Variants in GPC5 observed in about 807,000 individuals in gnomAD.
The protein encoded by GPC5 is glypican-5.
In GPC5, 47 loss-of-function variants were observed where a neutral mutation model predicts 53.9. The observed-to-expected ratio is 0.87, with a 90% CI of 0.69 to 1.11. GPC5 has a LOEUF of 1.11. Ranked by LOEUF, GPC5 falls within the 50% of genes most tolerant of loss-of-function variation. The pLI is 0.00. For synonymous variants in GPC5, 286 were observed against 263.3 expected, an observed-to-expected ratio of 1.09 and a Z score of -0.84; for missense variants, 748 against 713.1, an observed-to-expected ratio of 1.05 and a Z score of -0.56.
chr13:91,868,547 A>G lies in GPC5; in HGVS notation c.1281-39390A>G, dbSNP rs537108667. 7.9e-5 allele frequency among the ~76,000 whole-genome samples: 12 copies of G among 152,134 alleles called. No homozygotes were observed. In the South Asian group the frequency reaches 2.5e-3, roughly 32 times the overall value. On this transcript the variant is annotated intron_variant, in intron 5 of 7. Transcript: ENST00000377067. ...TAGCAAAAAACCCTGTCCACAAACT[A>G]TTAAAAAATTAGCTGGGTCTGGTGG...
chr13:91,495,959 G>A (rs1884233100), intron 2 of GPC5, among the ~76,000 whole-genome samples: 1 of 152,066 alleles, frequency 6.6e-6, no homozygotes, highest in African/African-American at 2.4e-5. Context: ...GGAGGCAGAG[G>A]TTGCAGTGAG....
intron 7 of GPC5, among the ~76,000 whole-genome samples, chr13:92,592,339 A>G (rs1883739642): frequency 6.6e-6 from 1 of 151,878 alleles, no homozygotes; most frequent in South Asian, 2.1e-4. Flanking sequence ...TGTATAGTGT[A>G]TGTGTCTAAG....
rs890404979 is a variant in GPC5 at position 91,428,733 on chromosome 13, A to AT, written c.164-20017dup. Among the ~76,000 whole-genome samples, 1,269 of 148,210 alleles carry AT rather than the reference A, an allele frequency of 8.6e-3. 17 individuals are homozygous for AT. Among genetic ancestry groups the AT allele is most frequent in the African/African-American group, 0.026 (1,045 of 40,550 alleles). On this transcript the variant is annotated intron_variant, in intron 1 of 7. Coordinates refer to ENST00000377067, the MANE Select transcript of GPC5 (RefSeq NM_004466.6). ...TCGAAATTCAAGAAATTTGAAAGGA[A>AT]TTTTTTTTTTTGTTAATGTGAAGTT...
intron 1 of GPC5, among the ~76,000 whole-genome samples, chr13:91,419,537 T>A (rs1386447166): frequency 6.6e-6 from 1 of 152,122 alleles, no homozygotes; most frequent in Non-Finnish European, 1.5e-5. Flanking sequence ...CAAGAAAATT[T>A]TCATGGATTT....
chr13:92,190,031 T>G (rs562287178), intron 7 of GPC5, among the ~76,000 whole-genome samples: 1 of 152,216 alleles, frequency 6.6e-6, no homozygotes, highest in Non-Finnish European at 1.5e-5. Flanking sequence ...AACAACTGCT[T>G]AAAAAACTAC....
At chr13:92,247,224 A>G (rs1370159513) in intron 7 of GPC5, among the ~76,000 whole-genome samples, 1 of 152,192 alleles carries the variant, frequency 6.6e-6, no homozygotes, top group Non-Finnish European at 1.5e-5. Flanking sequence ...TCAGCTTACA[A>G]AACACTTGCA....
At chr13:92,068,961 G>C (rs2041188627) in intron 6 of GPC5, among the ~76,000 whole-genome samples, 1 of 151,678 alleles carries the variant, frequency 6.6e-6, no homozygotes, top group Non-Finnish European at 1.5e-5. Context: ...TTAATCTAAG[G>C]TCATGAAGAT....
intron 7 of GPC5, among the ~76,000 whole-genome samples, chr13:92,706,719 A>C (rs1887963710): frequency 6.6e-6 from 1 of 152,172 alleles, no homozygotes; most frequent in Non-Finnish European, 1.5e-5. Flanking sequence ...TAACTAACTT[A>C]TCAAGACAAA....
intron 6 of GPC5, among the ~76,000 whole-genome samples, chr13:91,968,934 A>G (rs1285820834): frequency 1.3e-5 from 2 of 148,614 alleles, no homozygotes; most frequent in African/African-American, 5.0e-5. Flanking sequence ...TTTTCCCTTT[A>G]TCTTTCTTCT....
intron 7 of GPC5, among the ~76,000 whole-genome samples, chr13:92,413,631 G>A (rs1876146293): frequency 1.3e-5 from 2 of 152,138 alleles, no homozygotes; most frequent in South Asian, 2.1e-4. Flanking sequence ...AGGATCAAGG[G>A]TAGTGAAAAC....
intron 1 of GPC5, among the ~76,000 whole-genome samples, chr13:91,415,447 A>G (rs1399100433): frequency 6.6e-6 from 1 of 152,092 alleles, no homozygotes; most frequent in Non-Finnish European, 1.5e-5. Context: ...CACAACTCCC[A>G]ACAACTTTCC....
chr13:92,777,022 CA>C (rs1243297680), intron 7 of GPC5, among the ~76,000 whole-genome samples: 2,730 of 26,560 alleles, frequency 0.1, 14 homozygotes, highest in African/African-American at 0.11. Context: ...GACCCTGCCT[CA>C]AAAAAAAAAA....
chr13:91,692,294 C>A (rs1287010392), intron 2 of GPC5, among the ~76,000 whole-genome samples: 1 of 152,066 alleles, frequency 6.6e-6, no homozygotes, highest in Non-Finnish European at 1.5e-5. Flanking sequence ...CAGTGCTTAA[C>A]AAAATGTGAT....
Position 91,398,628 on chromosome 13 carries a change from G to T in GPC5, c.-419G>T. The T allele has an allele frequency of 5.3e-6, 1 of 187,846 alleles. No homozygotes were observed. The highest frequency in any genetic ancestry group is 1.1e-5 in the Non-Finnish European group (1 of 94,108). 11.6% of individuals were successfully genotyped at this position (187,846 alleles called of 1,614,324 possible). Reference sequence around the variant, plus strand: ...AGCGCAGCGAGCGGGCACATCCCAGGTTAGCTGCTGCGAGCCGAGCCGGGC... The same window carrying T: ...AGCGCAGCGAGCGGGCACATCCCAGTTTAGCTGCTGCGAGCCGAGCCGGGC... On this transcript the variant is annotated 5_prime_UTR_variant, in exon 1 of 8. Coordinates refer to ENST00000377067, the MANE Select transcript of GPC5 (RefSeq NM_004466.6).
chr13:92,089,982 C>G (rs1421650841), intron 6 of GPC5, among the ~76,000 whole-genome samples: 2 of 152,128 alleles, frequency 1.3e-5, no homozygotes, highest in Non-Finnish European at 2.9e-5. Context: ...ATTCAATAAA[C>G]AGTCATTGAG....
chr13:92,008,314 G>A (rs1242675054), intron 6 of GPC5, among the ~76,000 whole-genome samples: 3 of 151,968 alleles, frequency 2.0e-5, no homozygotes, highest in Admixed American at 2.0e-4. Flanking sequence ...CGCCCGCCTC[G>A]GCCTCCCAAA....
At chr13:91,437,865 T>C (rs1164339695) in intron 1 of GPC5, among the ~76,000 whole-genome samples, 7 of 152,218 alleles carry the variant, frequency 4.6e-5, no homozygotes. Flanking sequence ...TTTCTTTTTA[T>C]TCTTTTTTCT....
chr13:91,767,523 C>T (rs1276911316), intron 5 of GPC5, among the ~76,000 whole-genome samples: 1 of 152,184 alleles, frequency 6.6e-6, no homozygotes, highest in Non-Finnish European at 1.5e-5. Flanking sequence ...GTGTATCACA[C>T]AACAGATTGT....
At chr13:92,481,358 C>T (rs1594238602) in intron 7 of GPC5, among the ~76,000 whole-genome samples, 1 of 152,164 alleles carries the variant, frequency 6.6e-6, no homozygotes, top group Non-Finnish European at 1.5e-5. Context: ...ACCTTGGCCT[C>T]CCAAAGTGCT....
Sources: allele counts gnomAD v4.1 joint callset (sites outside exome capture counted in the v4.1 genomes callset), GRCh38; gene constraint gnomAD v4.1.1; transcripts MANE v1.5; gene names NCBI Gene and HGNC (gene_info 2026-07-23, HGNC 2026-07-21).